The following STK33 variants were observed in gnomAD, a reference collection of about 807,000 sequenced individuals.
STK33 encodes serine/threonine-protein kinase 33.
STK33 carries 52 observed loss-of-function variants against 58.0 expected under a neutral mutation model. The observed-to-expected ratio is 0.90, with a 90% CI of 0.72 to 1.13. The LOEUF is 1.13. STK33 is among the 50% of genes most tolerant of loss of function. The probability of loss-of-function intolerance (pLI) is 0.00; values close to 1 mark genes in which losing one functional copy is unlikely to be tolerated. For missense variants in STK33, 630 were observed against 604.2 expected, an observed-to-expected ratio of 1.04 and a Z score of -0.45; for synonymous variants, 215 against 200.1, an observed-to-expected ratio of 1.07 and a Z score of -0.63.
the STK33 span, among the ~76,000 whole-genome samples, chr11:8,362,114 C>T: frequency 6.6e-6 from 1 of 152,158 alleles, no homozygotes; most frequent in African/African-American, 2.4e-5. Context: ...TGACTGTTCT[C>T]TGGGCAGCAG....
chr11:8,399,711 T>C (rs563758815), intron 15 of STK33, among the ~76,000 whole-genome samples: 18 of 152,210 alleles, frequency 1.2e-4, no homozygotes, highest in Admixed American at 2.0e-4. Flanking sequence ...ACAAAATTGA[T>C]AGACCACTAG....
downstream of STK33, among the ~76,000 whole-genome samples, chr11:8,387,247 C>T (rs373329245): frequency 1.3e-5 from 2 of 152,118 alleles, no homozygotes; most frequent in South Asian, 2.1e-4. Flanking sequence ...GTGAGTTGCT[C>T]GGCCTTTTGA....
At chr11:8,488,453 A>G (rs1950340663) in intron 1 of STK33, among the ~76,000 whole-genome samples, 1 of 152,128 alleles carries the variant, frequency 6.6e-6, no homozygotes, top group South Asian at 2.1e-4. Context: ...CTGACCTGGA[A>G]GCTCTGCACA....
intron 12 of STK33, among the ~76,000 whole-genome samples, chr11:8,439,725 C>T (rs1944481179): frequency 6.6e-6 from 1 of 151,474 alleles, no homozygotes; most frequent in South Asian, 2.1e-4. Context: ...CATATCCAGC[C>T]CCAAACTGGA....
At chr11:8,588,352 T>C (rs1591934982) in intron 1 of STK33, among the ~76,000 whole-genome samples, 1 of 152,168 alleles carries the variant, frequency 6.6e-6, no homozygotes, top group Admixed American at 6.5e-5. Context: ...TGTAGGATGG[T>C]GGCATGTAAC....
At position 8,557,632 on chromosome 11, in the gene STK33, C is replaced by G. The variant is rs368619664; in HGVS notation, c.-466+36451G>C. Among the ~76,000 whole-genome samples, 32 of 151,920 alleles carry G rather than the reference C, an allele frequency of 2.1e-4. 1 individual carries two copies. In the South Asian group the frequency reaches 6.5e-3, roughly 31 times the overall value. ...CATTATAAGTCAGATGTAAAGAAGGCAATTATAGACTTGTAACTCCTTTAT... is the reference window on the plus strand; with the variant it reads ...CATTATAAGTCAGATGTAAAGAAGGGAATTATAGACTTGTAACTCCTTTAT... On this transcript the variant is annotated intron_variant, in intron 1 of 15. Transcript: ENST00000687296.
the STK33 span, among the ~76,000 whole-genome samples, chr11:8,385,287 TAATC>T: frequency 6.6e-6 from 1 of 152,232 alleles, no homozygotes; most frequent in Non-Finnish European, 1.5e-5. Context: ...TTTAAACACA[TAATC>T]AGACGTCGAG....
chr11:8,534,467 A>AT (rs1954804365), intron 1 of STK33, among the ~76,000 whole-genome samples: 1 of 152,004 alleles, frequency 6.6e-6, no homozygotes, highest in Non-Finnish European at 1.5e-5. Context: ...AATAGAAAGT[A>AT]TAAGAGTATA....
At chr11:8,400,273 G>C (rs909031172) in intron 15 of STK33, among the ~76,000 whole-genome samples, 4 of 152,188 alleles carry the variant, frequency 2.6e-5, no homozygotes, top group Admixed American at 2.0e-4. Context: ...TATCCACCAT[G>C]ATCAAGCCGG....
At chr11:8,483,000 G>C (rs914508628) in intron 1 of STK33, among the ~76,000 whole-genome samples, 1 of 152,042 alleles carries the variant, frequency 6.6e-6, no homozygotes, top group African/African-American at 2.4e-5. Flanking sequence ...CAAAGTGCTG[G>C]GATTACAGAA....
intron 10 of STK33, among the ~76,000 whole-genome samples, chr11:8,453,426 T>C (rs1357542703): frequency 1.3e-5 from 2 of 152,208 alleles, no homozygotes; most frequent in East Asian, 3.8e-4. Flanking sequence ...TTTTCTTTAC[T>C]ATTGTTTCCT....
In STK33 at chr11:8,581,329, C is replaced by A. The variant is rs1032360390; in HGVS notation, c.-466+12754G>T. Among the ~76,000 whole-genome samples the A allele has an allele frequency of 3.1e-4, 47 of 152,050 alleles. 1 individual carries two copies. Among genetic ancestry groups the A allele is most frequent in the African/African-American group, 1.1e-3 (44 of 41,384 alleles). On this transcript the variant is annotated intron_variant, in intron 1 of 15. Transcript: ENST00000687296. Reference sequence around the variant, plus strand: ...ATATGAGATAACTTATCAGCCTGGGCAACATAGTGAGACCCCCATATATAT... The same window carrying A: ...ATATGAGATAACTTATCAGCCTGGGAAACATAGTGAGACCCCCATATATAT...
chr11:8,540,797 T>G (rs1034847073), intron 1 of STK33, among the ~76,000 whole-genome samples: 1 of 152,090 alleles, frequency 6.6e-6, no homozygotes, highest in South Asian at 2.1e-4. Flanking sequence ...ACCAGATATG[T>G]AGGGTGAACA....
the STK33 span, among the ~76,000 whole-genome samples, chr11:8,355,610 A>C: frequency 1.3e-5 from 2 of 152,208 alleles, no homozygotes; most frequent in African/African-American, 4.8e-5. Flanking sequence ...TTCCAGGTGC[A>C]GTCAGGGATT....
At chr11:8,497,451 G>A (rs1465774052) in intron 1 of STK33, among the ~76,000 whole-genome samples, 2 of 152,120 alleles carry the variant, frequency 1.3e-5, no homozygotes, top group Non-Finnish European at 1.5e-5. Flanking sequence ...AAGGAAATTC[G>A]ATGACATGTT....
chr11:8,373,170 G>A, the STK33 span, among the ~76,000 whole-genome samples: 4 of 152,196 alleles, frequency 2.6e-5, no homozygotes, highest in Admixed American at 2.0e-4. Context: ...TCACAGCAAA[G>A]GTTGGGAAGC....
At chr11:8,335,098 C>T in the STK33 span, among the ~76,000 whole-genome samples, 4 of 152,186 alleles carry the variant, frequency 2.6e-5, no homozygotes, top group Non-Finnish European at 5.9e-5. Context: ...CCATCAGGTG[C>T]GCGGAGGAAT....
At position 8,440,583 on chromosome 11, in the gene STK33, T is replaced by A. The variant is rs1200676174; in HGVS notation, c.947+95A>T. 1.3e-5 allele frequency: 14 copies of A among 1,117,738 alleles called. No homozygotes were observed. In the East Asian group the frequency reaches 3.6e-4, roughly 29 times the overall value. The allele number at this position is 1,117,738 out of a possible 1,614,324, so 69.2% of individuals were successfully genotyped here. A position where few individuals can be genotyped will look rare whatever the true frequency, so the allele number is the denominator to read the frequency against. On this transcript the variant is annotated intron_variant, in intron 12 of 15. Coordinates refer to ENST00000687296, the MANE Select transcript of STK33 (RefSeq NM_001352389.2). Reference sequence around the variant, plus strand: ...CCCAATTGGTTTTTAAATCACTTTTTAAAAATATATATTAGTTTTAATTTA... The same window carrying A: ...CCCAATTGGTTTTTAAATCACTTTTAAAAAATATATATTAGTTTTAATTTA...
chr11:8,338,324 G>T, the STK33 span, among the ~76,000 whole-genome samples: 1 of 152,174 alleles, frequency 6.6e-6, no homozygotes, highest in Non-Finnish European at 1.5e-5. Context: ...CCAGAAAAAG[G>T]ATCCAGACAT....
Sources: allele counts gnomAD v4.1 joint callset (sites outside exome capture counted in the v4.1 genomes callset), GRCh38; gene constraint gnomAD v4.1.1; transcripts MANE v1.5; gene names NCBI Gene and HGNC (gene_info 2026-07-23, HGNC 2026-07-21).